Variants in PPP1R9B observed in about 807,000 individuals in gnomAD.
PPP1R9B encodes the protein protein phosphatase 1 regulatory subunit 9B, also known as neurabin-2.
PPP1R9B carries 17 observed loss-of-function variants against 75.8 expected under a neutral mutation model. The ratio of observed to expected loss-of-function variants is 0.22; its 90% CI spans 0.15 to 0.34. The LOEUF is 0.34. Ranked by LOEUF, PPP1R9B falls within the 10% of genes least tolerant of loss-of-function variation. The pLI is 1.00. For synonymous variants in PPP1R9B, 509 were observed against 535.4 expected (o/e 0.95, Z 0.68); for missense variants, 875 against 1,196.0 (o/e 0.73, Z 3.96).
At position 50,150,617 on chromosome 17, in the gene PPP1R9B, C is replaced by T; in HGVS notation, c.-104G>A. 2.5e-6 allele frequency: 3 copies of T among 1,177,514 alleles called. No individual in the cohort carries two copies. The highest frequency in any genetic ancestry group is 3.2e-6 in the Non-Finnish European group (3 of 935,710). The allele number at this position is 1,177,514 out of a possible 1,614,324, so 72.9% of individuals were successfully genotyped here. Reference sequence around the variant, plus strand: ...GCCCCCTCCCCCCGATAAAAGAAACCCCGAAGGCCTTTTTTAGGGTCCCCC... The same window carrying T: ...GCCCCCTCCCCCCGATAAAAGAAACTCCGAAGGCCTTTTTTAGGGTCCCCC... On this transcript the variant is annotated 5_prime_UTR_variant, in exon 1 of 10. Coordinates refer to ENST00000612501, the MANE Select transcript of PPP1R9B (RefSeq NM_032595.5). The surrounding 1 kb of genome is among the most constrained non-coding windows in gnomAD (Gnocchi z 8.7).
intron 2 of PPP1R9B, 73 bp downstream of exon 2, chr17:50,145,040 G>A (rs1393247104): frequency 2.6e-6 from 4 of 1,557,132 alleles, no homozygotes; most frequent in East Asian, 2.3e-5. Flanking sequence ...GCACAGGGCA[G>A]GAGCTGGTGC....
intron 4 of PPP1R9B, chr17:50,140,432 C>T (rs1196691943): frequency 1.5e-6 from 1 of 665,086 alleles, no homozygotes; most frequent in Non-Finnish European, 2.5e-6. Flanking sequence ...CAGGAAGGCC[C>T]ATTCACCCCT....
chr17:50,139,379 G>T lies in PPP1R9B; in HGVS notation c.2019+50C>A. ...GTGGGGCAGGCAGTGCCAAGGGCAG[G>T]AGACCTGCCTGCCTTTCCCTCCACC... is the stretch of plus-strand genomic sequence containing the variant. On this transcript the variant is annotated intron_variant, in intron 6 of 9. Coordinates refer to ENST00000612501, the MANE Select transcript of PPP1R9B (RefSeq NM_032595.5). The surrounding 1 kb of genome is among the most constrained non-coding windows in gnomAD (Gnocchi z 5.0). The T allele has an allele frequency of 6.2e-7, 1 of 1,613,320 alleles. No homozygotes were observed. Among genetic ancestry groups the T allele is most frequent in the Non-Finnish European group, 8.5e-7 (1 of 1,179,562 alleles).
chr17:50,147,966 T>C (rs1428516963), intron 1 of PPP1R9B, among the ~76,000 whole-genome samples: 1 of 151,854 alleles, frequency 6.6e-6, no homozygotes, highest in Non-Finnish European at 1.5e-5. Flanking sequence ...TAGGGAAGGG[T>C]AAAGGCAGGG....
intron 7 of PPP1R9B, among the ~76,000 whole-genome samples, chr17:50,138,975 C>T (rs759430276): frequency 2.6e-5 from 4 of 152,200 alleles, no homozygotes; most frequent in Non-Finnish European, 4.4e-5. Flanking sequence ...AAAGACTTGA[C>T]GTGTGTTATC....
chr17:50,147,151 C>T (rs984328126), intron 1 of PPP1R9B, among the ~76,000 whole-genome samples: 2 of 152,244 alleles, frequency 1.3e-5, no homozygotes, highest in South Asian at 2.1e-4. Context: ...CTGGTCCTGC[C>T]GCCTGCAGGA....
chr17:50,139,258 C>A lies in PPP1R9B; in HGVS notation c.2073+5G>T, dbSNP rs940017526. 1.9e-6 allele frequency: 3 copies of A among 1,613,946 alleles called. No homozygotes were observed. In the African/African-American group the frequency reaches 4.0e-5, roughly 22 times the overall value. On this transcript the variant is annotated splice_donor_5th_base_variant and intron_variant, in intron 7 of 9. Coordinates refer to ENST00000612501, the MANE Select transcript of PPP1R9B (RefSeq NM_032595.5). This position sits in a 1 kb window ranked among gnomAD's most constrained non-coding sequence, Gnocchi z 5.0. ...ACGCAAAAGCACACACATACGCACCCTTACCTTTCTTTTCAGCTGCTGGAT... is the reference window on the plus strand; with the variant it reads ...ACGCAAAAGCACACACATACGCACCATTACCTTTCTTTTCAGCTGCTGGAT...
Position 50,139,367 on chromosome 17 carries a change from T to G in PPP1R9B, c.2020-51A>C. The G allele has an allele frequency of 6.2e-7, 1 of 1,613,730 alleles. No homozygotes were observed. The highest frequency in any genetic ancestry group is 8.5e-7 in the Non-Finnish European group (1 of 1,179,804). On this transcript the variant is annotated intron_variant, in intron 6 of 9. Coordinates refer to ENST00000612501, the MANE Select transcript of PPP1R9B (RefSeq NM_032595.5). The surrounding 1 kb of genome is among the most constrained non-coding windows in gnomAD (Gnocchi z 5.0). ...AGCTCCAGCAGGGTGGGGCAGGCAGTGCCAAGGGCAGGAGACCTGCCTGCC... is the reference window on the plus strand; with the variant it reads ...AGCTCCAGCAGGGTGGGGCAGGCAGGGCCAAGGGCAGGAGACCTGCCTGCC...
chr17:50,149,332 G>A lies in PPP1R9B; in HGVS notation c.1182C>T (p.Asp394=), dbSNP rs1370423655. Residue 394 remains aspartate, a synonymous_variant, in exon 1 of 10, where the codon GAC becomes GAT. Coordinates refer to ENST00000612501, the MANE Select transcript of PPP1R9B (RefSeq NM_032595.5). The surrounding 1 kb of genome is among the most constrained non-coding windows in gnomAD (Gnocchi z 7.2). ...KEDFSEADLV[D]VSAYSGLGED... ...CCCCGAGCCCACTGTAGGCGCTCACGTCCACCAAGTCCGCCTCCGAGAAGT... is the reference window on the plus strand; with the variant it reads ...CCCCGAGCCCACTGTAGGCGCTCACATCCACCAAGTCCGCCTCCGAGAAGT... The A allele has an allele frequency of 2.5e-6, 4 of 1,613,210 alleles. No individual in the cohort carries two copies. Among genetic ancestry groups the A allele is most frequent in the Non-Finnish European group, 3.4e-6 (4 of 1,179,742 alleles).
chr17:50,138,454 C>G, intron 7 of PPP1R9B, among the ~76,000 whole-genome samples: 1 of 150,960 alleles, frequency 6.6e-6, no homozygotes, highest in East Asian at 2.0e-4. Context: ...GTGAGGGGGT[C>G]TGTGGGTACT....
intron 7 of PPP1R9B, chr17:50,137,383 T>C (rs1303922239): frequency 6.6e-6 from 1 of 152,432 alleles, no homozygotes; most frequent in African/African-American, 2.4e-5. Flanking sequence ...ATCATGGTGA[T>C]GAGAACAATA....
rs954367426 is a variant in PPP1R9B, at chr17:50,133,781, C to T, written c.*1550G>A. ...GGGACGACCTGACAGAGGGCATGGT[C>T]CGTACAAAACCGGGAACAATACATA... On this transcript the variant is annotated 3_prime_UTR_variant, in exon 10 of 10. Coordinates refer to ENST00000612501, the MANE Select transcript of PPP1R9B (RefSeq NM_032595.5). 1.3e-5 allele frequency: 2 copies of T among 152,244 alleles called. No individual in the cohort carries two copies. The highest frequency in any genetic ancestry group is 6.5e-5 in the Admixed American group (1 of 15,286). The allele number at this position is 152,244 out of a possible 1,614,324, so 9.4% of individuals were successfully genotyped here.
In PPP1R9B at chr17:50,150,455, C is replaced by T; in HGVS notation, c.59G>A (p.Arg20His). ...CTGGATGCCCGCCTCGTAGGCGCTGCGGTGCGGGGAGGCGCTCCGGAGGGG... is the reference window on the plus strand; with the variant it reads ...CTGGATGCCCGCCTCGTAGGCGCTGTGGTGCGGGGAGGCGCTCCGGAGGGG... ...GGPLRSASPH[R>H]SAYEAGIQAL... is the part of the protein sequence containing the mutation. Residue 20 changes from arginine to histidine, a missense_variant, in exon 1 of 10, where the codon CGC (arginine) becomes CAC (histidine). By Grantham distance (29) the Arg-to-His change is conservative. Around this residue, in one of 4 missense-constraint regions of PPP1R9B, gnomAD observed 145 missense variants for 226.1 expected, o/e 0.64. Coordinates refer to ENST00000612501, the MANE Select transcript of PPP1R9B (RefSeq NM_032595.5). This position sits in a 1 kb window ranked among gnomAD's most constrained non-coding sequence, Gnocchi z 8.7. 3 of 1,389,880 alleles carry T rather than the reference C, an allele frequency of 2.2e-6. No homozygotes were observed. The highest frequency in any genetic ancestry group is 2.8e-6 in the Non-Finnish European group (3 of 1,066,600). 86.1% of individuals were successfully genotyped at this position (1,389,880 alleles called of 1,614,324 possible).
intron 7 of PPP1R9B, 114 bp from the exon 8 acceptor site, chr17:50,136,311 A>G (rs1912228768): frequency 5.0e-6 from 4 of 797,644 alleles, no homozygotes; most frequent in Non-Finnish European, 7.9e-6. Flanking sequence ...TGTGGAGTCC[A>G]TTGCACCCCA....
At chr17:50,141,212 A>G in intron 4 of PPP1R9B, 57 bp downstream of exon 4, 3 of 1,141,198 alleles carry the variant, frequency 2.6e-6, no homozygotes, top group South Asian at 1.3e-5. Flanking sequence ...AGGTGAACGG[A>G]GTGCCTGGAC....
chr17:50,150,460 C>A lies in PPP1R9B; in HGVS notation c.54G>T (p.Pro18=). The change falls in exon 1 of 10, where the codon CCG becomes CCT. Residue 18 remains proline, a synonymous_variant. Transcript: ENST00000612501. This position sits in a 1 kb window ranked among gnomAD's most constrained non-coding sequence, Gnocchi z 8.7. ...GPGGPLRSAS[P]HRSAYEAGIQ... ...TGCCCGCCTCGTAGGCGCTGCGGTG[C>A]GGGGAGGCGCTCCGGAGGGGACCCC... 1 of 1,387,122 alleles carries A rather than the reference C, an allele frequency of 7.2e-7. No homozygotes were observed. 85.9% of individuals were successfully genotyped at this position (1,387,122 alleles called of 1,614,324 possible).
chr17:50,135,903 G>A, intron 8 of PPP1R9B, 65 bp downstream of exon 8: 1 of 1,266,802 alleles, frequency 7.9e-7, no homozygotes, highest in South Asian at 1.4e-5. Context: ...GGGATGGGGA[G>A]GGACTGTCCC....
At position 50,149,092 on chromosome 17, in the gene PPP1R9B, G is replaced by A. The variant is rs1912600239; in HGVS notation, c.1371+51C>T. The A allele has an allele frequency of 1.5e-6, 2 of 1,298,714 alleles. No individual in the cohort carries two copies. Among genetic ancestry groups the A allele is most frequent in the African/African-American group, 1.6e-5 (1 of 63,732 alleles). 80.4% of individuals were successfully genotyped at this position (1,298,714 alleles called of 1,614,324 possible). On this transcript the variant is annotated intron_variant, in intron 1 of 9. Coordinates refer to ENST00000612501, the MANE Select transcript of PPP1R9B (RefSeq NM_032595.5). This position sits in a 1 kb window ranked among gnomAD's most constrained non-coding sequence, Gnocchi z 7.2. Reference sequence around the variant, plus strand: ...GGCTGGCTGGCGAGCGGGGGCGGCCGCGTGCACGTGGCAGGGGCGGCGCGG... The same window carrying A: ...GGCTGGCTGGCGAGCGGGGGCGGCCACGTGCACGTGGCAGGGGCGGCGCGG...
At position 50,145,344 on chromosome 17, in the gene PPP1R9B, C is replaced by T. The variant is rs1912487363; in HGVS notation, c.1372-99G>A. The stretch of plus-strand genomic sequence containing the variant: ...GGCAGGCTGAGTTACCCACCCCATG[C>T]CTCCCCATGATAGCCCTGAGATGAG... On this transcript the variant is annotated intron_variant, in intron 1 of 9. Transcript: ENST00000612501. 8 of 1,475,618 alleles carry T rather than the reference C, an allele frequency of 5.4e-6. No homozygotes were observed. In the Admixed American group the frequency reaches 1.4e-4, roughly 25 times the overall value. 91.4% of individuals were successfully genotyped at this position (1,475,618 alleles called of 1,614,324 possible). A position where few individuals can be genotyped will look rare whatever the true frequency, so the allele number is the denominator to read the frequency against.
Sources: allele counts gnomAD v4.1 joint callset (sites outside exome capture counted in the v4.1 genomes callset), GRCh38; gene constraint gnomAD v4.1.1; regional missense constraint gnomAD v4.1.1; non-coding constraint Gnocchi (gnomAD v3.1); transcripts MANE v1.5; gene names NCBI Gene and HGNC (gene_info 2026-07-23, HGNC 2026-07-21).